The following HECA variants were observed in gnomAD, a reference collection of about 807,000 sequenced individuals.
HECA encodes the protein headcase protein homolog.
Under a neutral mutation model 37.6 loss-of-function variants are expected in HECA, and 13 were observed. That is an observed-to-expected ratio of 0.35 (90% CI 0.23 to 0.55). The LOEUF (loss-of-function observed/expected upper bound fraction) is 0.55, where lower values mean the gene tolerates loss of function less well. Among genes scored for constraint, HECA ranks in the 20% least tolerant of loss-of-function variants. The pLI is 0.90. For missense variants in HECA, 527 were observed against 701.9 expected (o/e 0.75, Z 2.82); for synonymous variants, 307 against 291.5 (o/e 1.05, Z -0.54).
chr6:139,168,180 C>A (rs1774920120), intron 2 of HECA, among the ~76,000 whole-genome samples: 1 of 152,188 alleles, frequency 6.6e-6, no homozygotes, highest in African/African-American at 2.4e-5. Flanking sequence ...TGTCTTCATT[C>A]TCCAGCTTTA....
At chr6:139,157,141 A>G (rs1774727537) in intron 1 of HECA, among the ~76,000 whole-genome samples, 1 of 152,226 alleles carries the variant, frequency 6.6e-6, no homozygotes, top group African/African-American at 2.4e-5. Flanking sequence ...TAGACCATAT[A>G]GGGTAACTTC....
intron 1 of HECA, among the ~76,000 whole-genome samples, chr6:139,159,753 G>A (rs1007517079): frequency 3.9e-5 from 6 of 152,200 alleles, no homozygotes; most frequent in South Asian, 2.1e-4. Context: ...GGGTTTACAA[G>A]GATGAATGTG....
intron 2 of HECA, among the ~76,000 whole-genome samples, chr6:139,168,491 A>C (rs1774926588): frequency 6.6e-6 from 1 of 151,558 alleles, no homozygotes; most frequent in Admixed American, 6.6e-5. Context: ...CCATCTTTCA[A>C]AGACATTTCC....
At position 139,166,955 on chromosome 6, in the gene HECA, C is replaced by T. The variant is rs1236016450; in HGVS notation, c.943C>T (p.His315Tyr). ...EPHKKAMAGG[H>Y]VFRNAHFDYS... is the part of the protein sequence containing the mutation. ...TCACAAGAAGGCCATGGCTGGGGGCCATGTGTTCAGAAATGCCCACTTTGA... is the reference window on the plus strand; with the variant it reads ...TCACAAGAAGGCCATGGCTGGGGGCTATGTGTTCAGAAATGCCCACTTTGA... The change falls in exon 2 of 4, where the codon CAT becomes TAT. Residue 315 changes from histidine to tyrosine, a missense_variant. Physicochemically the swap from His to Tyr is moderately conservative, Grantham distance 83. Coordinates refer to ENST00000367658, the MANE Select transcript of HECA (RefSeq NM_016217.3). 6.2e-7 allele frequency: 1 copy of T among 1,614,038 alleles called. No homozygotes were observed. The highest frequency in any genetic ancestry group is 2.2e-5 in the East Asian group (1 of 44,886).
chr6:139,138,304 T>C (rs1434342957), intron 1 of HECA, among the ~76,000 whole-genome samples: 1 of 152,198 alleles, frequency 6.6e-6, no homozygotes, highest in Non-Finnish European at 1.5e-5. Flanking sequence ...TTATCGGTAG[T>C]AGTTTTAAGT....
chr6:139,169,771 G>C (rs932478574), intron 2 of HECA: 1 of 152,222 alleles, frequency 6.6e-6, no homozygotes, highest in African/African-American at 2.4e-5. Context: ...GGAAGCTGCA[G>C]AGTCTGTCTC....
Position 139,151,475 on chromosome 6 carries a change from C to T in HECA, c.272-14809C>T, listed in dbSNP as rs554540173. Among the ~76,000 whole-genome samples the T allele has an allele frequency of 8.5e-5, 13 of 152,084 alleles. No homozygotes were observed. The East Asian group carries it at 2.5e-3, about 29-fold the overall frequency. ...AGGCAGGCTGAACTTCTGTTTCTTC[C>T]GGCCGTGCTTTTTCTGCTACTTAAT... On this transcript the variant is annotated intron_variant, in intron 1 of 3. Coordinates refer to ENST00000367658, the MANE Select transcript of HECA (RefSeq NM_016217.3).
At chr6:139,154,224 GT>G (rs991033784) in intron 1 of HECA, among the ~76,000 whole-genome samples, 6 of 152,056 alleles carry the variant, frequency 3.9e-5, no homozygotes, top group Admixed American at 3.3e-4. Flanking sequence ...ACAACCATCT[GT>G]TTTTTTTCCA....
chr6:139,167,403 G>T (rs1309920213), intron 2 of HECA, 79 bp downstream of exon 2: 1 of 1,226,048 alleles, frequency 8.2e-7, no homozygotes, highest in Non-Finnish European at 1.1e-6. Flanking sequence ...CTCTATTTTG[G>T]TGTAGTTTTC....
Position 139,135,230 on chromosome 6 carries a change from C to T in HECA, c.-167C>T, listed in dbSNP as rs913098098. On this transcript the variant is annotated 5_prime_UTR_variant, in exon 1 of 4. Transcript: ENST00000367658. The stretch of plus-strand genomic sequence containing the variant: ...AGGAAGCCGGAGAGGGCGCGGCGGC[C>T]AGGATGGCGCGGCACGGGCCGTGCG... The T allele has an allele frequency of 5.0e-5, 23 of 456,318 alleles. No individual in the cohort carries two copies. The highest frequency in any genetic ancestry group is 1.8e-5 in the Non-Finnish European group (6 of 327,066). The allele number at this position is 456,318 out of a possible 1,614,324, so 28.3% of individuals were successfully genotyped here. A position where few individuals can be genotyped will look rare whatever the true frequency, so the allele number is the denominator to read the frequency against.
In HECA at chr6:139,135,605, G is replaced by A. The variant is rs1330116677; in HGVS notation, c.209G>A (p.Gly70Glu). The A allele has an allele frequency of 1.6e-5, 15 of 965,342 alleles. No individual in the cohort carries two copies. The highest frequency in any genetic ancestry group is 1.7e-5 in the Non-Finnish European group (14 of 815,652). The allele number at this position is 965,342 out of a possible 1,614,324, so 59.8% of individuals were successfully genotyped here. Reference sequence around the variant, plus strand: ...GGCGCGGCGGGCGCCGGAGGCGCGGGGACTGGCGCCGCGAACGCTGCGGCC... The same window carrying A: ...GGCGCGGCGGGCGCCGGAGGCGCGGAGACTGGCGCCGCGAACGCTGCGGCC... ...AGGAAGAGGAGTGAANAAAAA... is the reference protein window; with the variant it reads ...AGGAAGAGGAETGAANAAAAA... The change falls in exon 1 of 4, where the codon GGG becomes GAG. Residue 70 changes from glycine (G) to glutamate (E), a missense_variant. By Grantham distance (98) the Gly-to-Glu change is moderately conservative (BLOSUM62 -2). Transcript: ENST00000367658.
intron 1 of HECA, among the ~76,000 whole-genome samples, chr6:139,160,989 A>G (rs1774793723): frequency 6.6e-6 from 1 of 151,938 alleles, no homozygotes; most frequent in African/African-American, 2.4e-5. Flanking sequence ...GGCATCAGAC[A>G]CCTCTCTTCT....
intron 1 of HECA, among the ~76,000 whole-genome samples, chr6:139,150,474 T>TAA (rs60587674): frequency 6.9e-6 from 1 of 144,662 alleles, no homozygotes. Flanking sequence ...AGAGTGGGGC[T>TAA]AAAAAAAAAA....
intron 2 of HECA, among the ~76,000 whole-genome samples, chr6:139,173,941 T>C (rs1775014215): frequency 6.6e-6 from 1 of 152,180 alleles, no homozygotes; most frequent in African/African-American, 2.4e-5. Flanking sequence ...CAAGACAGAC[T>C]TTTGATTTTT....
At chr6:139,147,955 T>G (rs758894404) in intron 1 of HECA, among the ~76,000 whole-genome samples, 6 of 152,192 alleles carry the variant, frequency 3.9e-5, no homozygotes, top group Non-Finnish European at 7.3e-5. Flanking sequence ...CTTCGCACTC[T>G]GTAATGTAAA....
rs973998005 is a variant in HECA, at chr6:139,135,489, AGCGGCGGGC to A, written c.102_110del (p.Gly37_Ala39del). 70 of 1,193,442 alleles carry A rather than the reference AGCGGCGGGC, an allele frequency of 5.9e-5. No individual in the cohort carries two copies. The highest frequency in any genetic ancestry group is 1.1e-4 in the East Asian group (2 of 18,938). The allele number at this position is 1,193,442 out of a possible 1,614,324, so 73.9% of individuals were successfully genotyped here. On this transcript the variant is annotated inframe_deletion, in exon 1 of 4. Transcript: ENST00000367658. ...AGGAAAATGGAGCCGGGGCCCTGGC[AGCGGCGGGC>A]GCGGCGGGAGCGGCGGCCGGGGGGG...
chr6:139,172,918 A>G (rs1013788025), intron 2 of HECA, among the ~76,000 whole-genome samples: 2 of 152,236 alleles, frequency 1.3e-5, no homozygotes, highest in East Asian at 1.9e-4. Flanking sequence ...AACTCTTAGT[A>G]AAAGTTACTC....
intron 1 of HECA, among the ~76,000 whole-genome samples, chr6:139,152,251 T>C (rs988363896): frequency 1.3e-5 from 2 of 152,190 alleles, no homozygotes. Flanking sequence ...AGAATGGAAA[T>C]AACAGGTAAA....
intron 2 of HECA, among the ~76,000 whole-genome samples, chr6:139,172,950 C>T (rs1019714041): frequency 1.3e-5 from 2 of 152,216 alleles, no homozygotes; most frequent in African/African-American, 2.4e-5. Flanking sequence ...TTATGGTCAT[C>T]GTTAGCAACA....
Sources: gnomAD v4.1 joint callset for allele counts (sites outside exome capture counted in the v4.1 genomes callset) on GRCh38, gnomAD v4.1.1 for gene constraint, MANE v1.5 for transcripts, NCBI Gene and HGNC (gene_info 2026-07-23, HGNC 2026-07-21) for gene names.